STOX2: variants seen among roughly 807,000 people sequenced by gnomAD.
STOX2 encodes the protein storkhead-box protein 2.
A neutral mutation model predicts 60.9 loss-of-function variants in STOX2; 28 were observed. The observed-to-expected ratio is 0.46, with a 90% CI of 0.34 to 0.63. STOX2 has a LOEUF of 0.63. Ranked by LOEUF, STOX2 falls within the 30% of genes least tolerant of loss-of-function variation. The pLI is 0.01. For missense variants in STOX2, 1,024 were observed against 1,187.7 expected, an observed-to-expected ratio of 0.86 and a Z score of 2.03; for synonymous variants, 472 against 463.9, an observed-to-expected ratio of 1.02 and a Z score of -0.22.
In STOX2 at chr4:183,887,835, G is replaced by C. The variant is rs189723648; in HGVS notation, c.364+89780G>C. Among the ~76,000 whole-genome samples the C allele has an allele frequency of 4.2e-3, 637 of 152,302 alleles. 13 individuals carry two copies. Among genetic ancestry groups the C allele is most frequent in the Non-Finnish European group, 3.1e-3 (214 of 68,022 alleles). On this transcript the variant is annotated intron_variant, in intron 1 of 2. Coordinates refer to the STOX2 transcript ENST00000513034. ...CATACCTCACTGTAGCCTTGAGCTC[G>C]TAGGCTCAAGCTATCCTTATGCTTC...
At position 183,995,291 on chromosome 4, in the gene STOX2, CTTTTTTTTTTTTTTT is replaced by C. The variant is rs61681165; in HGVS notation, c.167-6016_167-6002del. Among the ~76,000 whole-genome samples the C allele has an allele frequency of 4.8e-3, 383 of 79,462 alleles. 1 individual carries two copies. Among genetic ancestry groups the C allele is most frequent in the Middle Eastern group, 0.014 (2 of 140 alleles). 52.1% of individuals were successfully genotyped at this position (79,462 alleles called of 152,430 possible). A position where few individuals can be genotyped will look rare whatever the true frequency, so the allele number is the denominator to read the frequency against. On this transcript the variant is annotated intron_variant, in intron 1 of 3. Transcript: ENST00000308497. Reference sequence around the variant, plus strand: ...ATAAAGGACAGGGCTTTATTTTAGTCTTTTTTTTTTTTTTTTTTTTTTTTTTTTTTTTGCACAAAT... The same window carrying C: ...ATAAAGGACAGGGCTTTATTTTAGTCTTTTTTTTTTTTTTTTTGCACAAAT...
chr4:183,804,739 A>G (rs952602478), intron 1 of STOX2, among the ~76,000 whole-genome samples: 1 of 152,254 alleles, frequency 6.6e-6, no homozygotes, highest in Non-Finnish European at 1.5e-5. Context: ...TTTATGAATT[A>G]TCTCACTTTG....
At chr4:183,974,776 A>G (rs952275072) in intron 1 of STOX2, among the ~76,000 whole-genome samples, 8 of 152,204 alleles carry the variant, frequency 5.3e-5, no homozygotes, top group Non-Finnish European at 1.2e-4. Context: ...AGCTCCCCCA[A>G]TAATTGCAAG....
At chr4:183,862,448 G>T (rs1272023383) in intron 1 of STOX2, among the ~76,000 whole-genome samples, 4 of 152,198 alleles carry the variant, frequency 2.6e-5, no homozygotes, top group Non-Finnish European at 4.4e-5. Flanking sequence ...ATGAGCTACT[G>T]TGCCCAGCCA....
chr4:183,919,272 C>T (rs1742023066), intron 1 of STOX2, among the ~76,000 whole-genome samples: 1 of 152,206 alleles, frequency 6.6e-6, no homozygotes, highest in East Asian at 1.9e-4. Flanking sequence ...AGTGTACCAT[C>T]CTGGCCTAAG....
chr4:184,006,975 C>G (rs1054951066), intron 2 of STOX2, among the ~76,000 whole-genome samples: 8 of 134,932 alleles, frequency 5.9e-5, no homozygotes, highest in Non-Finnish European at 1.2e-4. Flanking sequence ...GAGATCCCGC[C>G]ACTGCACTCC....
chr4:183,847,035 G>T (rs907698089), intron 1 of STOX2, among the ~76,000 whole-genome samples: 1 of 152,136 alleles, frequency 6.6e-6, no homozygotes, highest in Non-Finnish European at 1.5e-5. Flanking sequence ...TTAGCAATTT[G>T]ACAAAGATTC....
chr4:183,859,439 T>C (rs561364374), intron 1 of STOX2, among the ~76,000 whole-genome samples: 5 of 152,316 alleles, frequency 3.3e-5, no homozygotes, highest in African/African-American at 1.2e-4. Context: ...AGAGCTCAGC[T>C]GGCAGTGACC....
chr4:183,958,417 T>C (rs1387138295), intron 1 of STOX2, among the ~76,000 whole-genome samples: 2 of 152,170 alleles, frequency 1.3e-5, no homozygotes, highest in Non-Finnish European at 2.9e-5. Flanking sequence ...AATTTTAGAA[T>C]TACTATACCC....
intron 1 of STOX2, among the ~76,000 whole-genome samples, chr4:183,976,108 C>T (rs1250971765): frequency 1.3e-5 from 2 of 152,114 alleles, no homozygotes; most frequent in African/African-American, 4.8e-5. Flanking sequence ...GTCAAGAAAT[C>T]GAGAACATCC....
chr4:184,005,882 T>A (rs913655267), intron 2 of STOX2, among the ~76,000 whole-genome samples: 4 of 152,202 alleles, frequency 2.6e-5, no homozygotes, highest in African/African-American at 9.7e-5. Flanking sequence ...CTAGTTTGCA[T>A]TATCAAATTA....
chr4:183,843,524 C>T (rs1004556260), intron 1 of STOX2, among the ~76,000 whole-genome samples: 4 of 152,162 alleles, frequency 2.6e-5, no homozygotes, highest in African/African-American at 4.8e-5. Flanking sequence ...TGTATGCTTT[C>T]GACTGTGGGG....
chr4:184,005,457 C>CT (rs1733784562), intron 2 of STOX2, among the ~76,000 whole-genome samples: 1 of 59,280 alleles, frequency 1.7e-5, no homozygotes, highest in Non-Finnish European at 4.2e-5. Context: ...GACGATATCT[C>CT]AAAAAAAAAA....
chr4:183,938,387 G>A (rs1742646821), intron 1 of STOX2, among the ~76,000 whole-genome samples: 1 of 152,160 alleles, frequency 6.6e-6, no homozygotes, highest in African/African-American at 2.4e-5. Context: ...CTTTATTGAT[G>A]GCTGAGCACG....
chr4:183,819,043 C>T (rs188931955), intron 1 of STOX2, among the ~76,000 whole-genome samples: 7,245 of 151,560 alleles, frequency 0.048, 585 homozygotes, highest in African/African-American at 0.17. Context: ...TGGGCAGAGA[C>T]GCTCCTCACT....
At chr4:183,956,439 CATCTATCT>C (rs35378121) in intron 1 of STOX2, among the ~76,000 whole-genome samples, 3,297 of 145,972 alleles carry the variant, frequency 0.023, 80 homozygotes, top group East Asian at 0.084. Flanking sequence ...TTCTATCATT[CATCTATCT>C]ATCTATCTAT....
chr4:183,970,016 A>G lies in STOX2; in HGVS notation c.167-31309A>G, dbSNP rs554772389. On this transcript the variant is annotated intron_variant, in intron 1 of 3. Transcript: ENST00000308497. The stretch of plus-strand genomic sequence containing the variant: ...ATCTGAACAAAGTATAAAGGAGCTG[A>G]TCCATCAGCCATTCATTCCTGTCTC... 2.6e-5 allele frequency among the ~76,000 whole-genome samples: 4 copies of G among 152,222 alleles called. No individual in the cohort carries two copies. In the South Asian group the frequency reaches 8.3e-4, roughly 32 times the overall value.
Position 183,836,721 on chromosome 4 carries a change from C to A in STOX2, c.364+38666C>A, listed in dbSNP as rs1016446389. 6.6e-6 allele frequency among the ~76,000 whole-genome samples: 1 copy of A among 152,240 alleles called. No individual in the cohort carries two copies. The highest frequency in any genetic ancestry group is 2.1e-4 in the South Asian group (1 of 4,824). On this transcript the variant is annotated intron_variant, in intron 1 of 2. Coordinates refer to the STOX2 transcript ENST00000513034. The surrounding 1 kb of genome is among the most constrained non-coding windows in gnomAD (Gnocchi z 4.1). ...TTTCGTGGCAGGGTCAGTGACTTCT[C>A]GTGACAGCCTCATGAAGGTGAAAAA...
At chr4:183,800,335 A>G (rs1329999930) in intron 1 of STOX2, among the ~76,000 whole-genome samples, 2 of 152,066 alleles carry the variant, frequency 1.3e-5, no homozygotes, top group Non-Finnish European at 2.9e-5. Context: ...GGGCGGTGAT[A>G]TGGGGGATCC....
Sources: gnomAD v4.1 joint callset for allele counts (sites outside exome capture counted in the v4.1 genomes callset) on GRCh38, gnomAD v4.1.1 for gene constraint, Gnocchi (gnomAD v3.1) non-coding constraint, MANE v1.5 for transcripts, NCBI Gene and HGNC (gene_info 2026-07-23, HGNC 2026-07-21) for gene names.